Variants in FAH observed in about 807,000 individuals in gnomAD.
The protein encoded by FAH is fumarylacetoacetate hydrolase.
In FAH, 47 loss-of-function variants were observed where a neutral mutation model predicts 55.8. The ratio of observed to expected loss-of-function variants is 0.84; its 90% CI spans 0.67 to 1.07. The LOEUF (loss-of-function observed/expected upper bound fraction) is 1.07, where lower values mean the gene tolerates loss of function less well. Among genes scored for constraint, FAH ranks in the 50% least tolerant of loss-of-function variants. The probability of loss-of-function intolerance (pLI) is 0.00; values close to 1 mark genes in which losing one functional copy is unlikely to be tolerated. For missense variants in FAH, 495 were observed against 545.9 expected (o/e 0.91, Z 0.93); for synonymous variants, 199 against 207.7 (o/e 0.96, Z 0.36).
At chr15:80,170,242 C>G (rs747907345) in intron 7 of FAH, among the ~76,000 whole-genome samples, 31 of 152,230 alleles carry the variant, frequency 2.0e-4, no homozygotes, top group Non-Finnish European at 4.1e-4. Context: ...GGGGGCTTTC[C>G]CATAGTCAGC....
chr15:80,181,834 C>G (rs1485862013), intron 13 of FAH, among the ~76,000 whole-genome samples: 2 of 132,500 alleles, frequency 1.5e-5, no homozygotes, highest in Non-Finnish European at 3.3e-5. Context: ...CAACCTCCAT[C>G]TCCCAGGTTC....
In FAH at chr15:80,162,289, C is replaced by T. The variant is rs111972793; in HGVS notation, c.408C>T (p.Asn136=). 54 of 1,614,210 alleles carry T rather than the reference C, an allele frequency of 3.3e-5. No individual in the cohort carries two copies. The highest frequency in any genetic ancestry group is 6.7e-5 in the East Asian group (3 of 44,888). ...ATTCCTCTCGGCAGCATGCTACCAA[C>T]GTCGGAATCATGTTCAGGGACAAGG... The part of the protein sequence containing the change: ...DFYSSRQHAT[N]VGIMFRDKEN... Residue 136 remains asparagine, a synonymous_variant, in exon 5 of 14, where the codon AAC becomes AAT. Transcript: ENST00000561421.
intron 11 of FAH, 22 bp from the exon 12 acceptor site, chr15:80,180,102 A>T (rs1163172499): frequency 1.3e-6 from 2 of 1,591,762 alleles, no homozygotes; most frequent in Non-Finnish European, 1.7e-6. Context: ...TGCTCATTCC[A>T]CCTCGCGTCC....
intron 8 of FAH, 61 bp downstream of exon 8, chr15:80,172,309 AT>A: frequency 7.9e-7 from 1 of 1,263,130 alleles, no homozygotes; most frequent in Admixed American, 1.7e-5. Flanking sequence ...ACTTGGGGCA[AT>A]TTCATAGAAG....
At chr15:80,169,476 C>G (rs2041222207) in intron 7 of FAH, among the ~76,000 whole-genome samples, 1 of 152,216 alleles carries the variant, frequency 6.6e-6, no homozygotes, top group African/African-American at 2.4e-5. Context: ...CCCATACAAC[C>G]TCAGAACTGT....
intron 9 of FAH, 42 bp downstream of exon 9, chr15:80,173,186 C>T (rs1224498017): frequency 1.2e-6 from 2 of 1,614,016 alleles, no homozygotes; most frequent in Admixed American, 1.7e-5. Context: ...CCCAGCCCTG[C>T]TGCCTCTGAG....
chr15:80,155,202 C>T lies in FAH; in HGVS notation c.81+2067C>T, dbSNP rs191280830. On this transcript the variant is annotated intron_variant, in intron 1 of 13. Transcript: ENST00000561421. ...CCAGCCTTGGTTATCTCTCACCACA[C>T]CCTGTGTTTCCTTTTGCTTCTGGAG... Among the ~76,000 whole-genome samples, 11 of 152,342 alleles carry T rather than the reference C, an allele frequency of 7.2e-5. No homozygotes were observed. The East Asian group carries it at 2.1e-3, about 29-fold the overall frequency.
intron 5 of FAH, among the ~76,000 whole-genome samples, chr15:80,164,063 A>G (rs531213049): frequency 1.3e-5 from 2 of 152,382 alleles, no homozygotes; most frequent in African/African-American, 2.4e-5. Context: ...TACACACTGT[A>G]TTAGTTTTCT....
chr15:80,180,599 G>T (rs929550347), intron 12 of FAH, among the ~76,000 whole-genome samples: 3 of 152,200 alleles, frequency 2.0e-5, no homozygotes, highest in African/African-American at 7.2e-5. Context: ...CTGTAAGCCT[G>T]CGGGAGTCAC....
At chr15:80,176,550 G>T (rs558096968) in intron 10 of FAH, among the ~76,000 whole-genome samples, 41 of 152,306 alleles carry the variant, frequency 2.7e-4, no homozygotes, top group African/African-American at 9.9e-4. Flanking sequence ...CGCTCTTTCA[G>T]GTTCCAGGTC....
intron 9 of FAH, among the ~76,000 whole-genome samples, chr15:80,174,685 A>G (rs972656379): frequency 6.6e-6 from 1 of 152,160 alleles, no homozygotes; most frequent in African/African-American, 2.4e-5. Context: ...CTCACAGGCC[A>G]GGCTTTGTTC....
chr15:80,160,380 G>T, intron 3 of FAH, 30 bp from the exon 4 acceptor site: 1 of 1,613,712 alleles, frequency 6.2e-7, no homozygotes, highest in Non-Finnish European at 8.5e-7. Flanking sequence ...CTGCCTACTT[G>T]ACTTTGAAGC....
chr15:80,179,481 G>T (rs116722046), intron 11 of FAH, among the ~76,000 whole-genome samples: 1 of 152,076 alleles, frequency 6.6e-6, no homozygotes, highest in African/African-American at 2.4e-5. Context: ...TGTAGGAATG[G>T]CAATGTGAGA....
At chr15:80,169,619 C>T (rs1035352569) in intron 7 of FAH, among the ~76,000 whole-genome samples, 1 of 151,990 alleles carries the variant, frequency 6.6e-6, no homozygotes, top group South Asian at 2.1e-4. Flanking sequence ...CTGCAAGCTC[C>T]GCCTCCTGGG....
rs756629179 is a variant in FAH, at chr15:80,165,487, C to T, written c.456-2565C>T. ...AGGTTGCAGTGAGCTGAGGTTGTGCCGTTGCACTCCAGCCTGGGTGAGAGA... is the reference window on the plus strand; with the variant it reads ...AGGTTGCAGTGAGCTGAGGTTGTGCTGTTGCACTCCAGCCTGGGTGAGAGA... On this transcript the variant is annotated intron_variant, in intron 5 of 13. Transcript: ENST00000561421. 3.7e-4 allele frequency among the ~76,000 whole-genome samples: 56 copies of T among 149,644 alleles called. 1 individual carries two copies. Among genetic ancestry groups the T allele is most frequent in the East Asian group, 1.4e-3 (7 of 5,128 alleles).
chr15:80,162,222 A>T (rs780272020), intron 4 of FAH, 24 bp from the exon 5 acceptor site: 1 of 1,591,280 alleles, frequency 6.3e-7, no homozygotes, highest in South Asian at 1.1e-5. Flanking sequence ...TGCTGATGGG[A>T]TCTGTTGGGT....
intron 5 of FAH, 156 bp downstream of exon 5, chr15:80,162,492 C>T (rs1595891339): frequency 2.8e-6 from 2 of 717,824 alleles, no homozygotes; most frequent in East Asian, 5.4e-5. Context: ...GTCTCAGCTT[C>T]TGGTCTCCTG....
intron 10 of FAH, 77 bp downstream of exon 10, chr15:80,175,168 G>A (rs1197887702): frequency 5.1e-6 from 7 of 1,375,628 alleles, no homozygotes; most frequent in Admixed American, 1.7e-5. Context: ...GAAGGCTCCT[G>A]AGCTTTGGCA....
In FAH at chr15:80,172,187, G is replaced by A. The variant is rs151221329; in HGVS notation, c.645G>A (p.Pro215=). The change falls in exon 8 of 14, where the codon CCG becomes CCA. Residue 215 remains proline, a synonymous_variant. Transcript: ENST00000561421. ...GCCCTGGAAACAGATTGGGAGAGCCGATCCCCATTTCCAAGGCCCATGAGC... is the reference window on the plus strand; with the variant it reads ...GCCCTGGAAACAGATTGGGAGAGCCAATCCCCATTTCCAAGGCCCATGAGC... The part of the protein sequence containing the change: ...FVGPGNRLGE[P]IPISKAHEHI... 1.4e-5 allele frequency: 22 copies of A among 1,613,954 alleles called. No homozygotes were observed. The African/African-American group carries it at 1.6e-4, about 12-fold the overall frequency.
Sources: allele counts gnomAD v4.1 joint callset (sites outside exome capture counted in the v4.1 genomes callset), GRCh38; gene constraint gnomAD v4.1.1; transcripts MANE v1.5; gene names NCBI Gene and HGNC (gene_info 2026-07-23, HGNC 2026-07-21).